PLXDC2: variants seen among roughly 807,000 people sequenced by gnomAD.
PLXDC2 encodes plexin domain containing 2.
In PLXDC2, 40 loss-of-function variants were observed where a neutral mutation model predicts 68.9. The ratio of observed to expected loss-of-function variants is 0.58; its 90% CI spans 0.45 to 0.76. The LOEUF (loss-of-function observed/expected upper bound fraction) is 0.76. Among genes scored for constraint, PLXDC2 ranks in the 30% least tolerant of loss-of-function variants. The pLI is 0.00. For missense variants in PLXDC2, 644 were observed against 661.9 expected, an observed-to-expected ratio of 0.97 and a Z score of 0.30; for synonymous variants, 243 against 234.2, an observed-to-expected ratio of 1.04 and a Z score of -0.34.
At chr10:20,099,556 T>C (rs1378694184) in intron 4 of PLXDC2, among the ~76,000 whole-genome samples, 2 of 152,182 alleles carry the variant, frequency 1.3e-5, no homozygotes, top group African/African-American at 2.4e-5. Flanking sequence ...TTTCTTTATA[T>C]TGATTGTGTG....
intron 1 of PLXDC2, among the ~76,000 whole-genome samples, chr10:19,925,058 A>G (rs1833517412): frequency 6.6e-6 from 1 of 152,238 alleles, no homozygotes; most frequent in African/African-American, 2.4e-5. Context: ...GTGACTGTAT[A>G]GAATATAAAT....
At chr10:20,156,689 T>C (rs576283717) in intron 6 of PLXDC2, among the ~76,000 whole-genome samples, 1 of 152,150 alleles carries the variant, frequency 6.6e-6, no homozygotes, top group Non-Finnish European at 1.5e-5. Context: ...ATGTTAGGAA[T>C]TGATCGTTTG....
rs1836104472 is a variant in PLXDC2 at position 20,283,252 on chromosome 10, T to G, written c.*3433T>G. The G allele has an allele frequency of 6.6e-6, 1 of 152,200 alleles. No homozygotes were observed. The highest frequency in any genetic ancestry group is 1.5e-5 in the Non-Finnish European group (1 of 68,032). The allele number at this position is 152,200 out of a possible 1,614,324, so 9.4% of individuals were successfully genotyped here. A position where few individuals can be genotyped will look rare whatever the true frequency, so the allele number is the denominator to read the frequency against. On this transcript the variant is annotated 3_prime_UTR_variant, in exon 14 of 14. Transcript: ENST00000377252. Reference sequence around the variant, plus strand: ...AGCTTTAAATCCCCACTGTGTTATCTTGGGAAAATCACTTCAACCTCCTTG... The same window carrying G: ...AGCTTTAAATCCCCACTGTGTTATCGTGGGAAAATCACTTCAACCTCCTTG...
chr10:19,985,420 G>A (rs965446367), intron 1 of PLXDC2, among the ~76,000 whole-genome samples: 9 of 152,192 alleles, frequency 5.9e-5, no homozygotes, highest in African/African-American at 2.2e-4. Flanking sequence ...GATTATTGTA[G>A]TGGATTTTAG....
intron 13 of PLXDC2, among the ~76,000 whole-genome samples, chr10:20,262,047 C>T (rs1327128852): frequency 7.9e-5 from 12 of 152,122 alleles, no homozygotes; most frequent in Admixed American, 7.9e-4. Context: ...CATCCAGGTC[C>T]TCTCACTGGT....
intron 2 of PLXDC2, among the ~76,000 whole-genome samples, chr10:20,023,049 AT>A (rs1174553888): frequency 2.7e-5 from 4 of 149,626 alleles, no homozygotes; most frequent in Non-Finnish European, 4.4e-5. Flanking sequence ...AAGGCTCTTA[AT>A]TTTTTTTGGA....
intron 2 of PLXDC2, among the ~76,000 whole-genome samples, chr10:20,003,632 A>T (rs907951139): frequency 2.6e-5 from 4 of 152,110 alleles, no homozygotes; most frequent in African/African-American, 9.7e-5. Context: ...GGGTTTCACC[A>T]TGTTGGCCAG....
chr10:20,076,558 C>T (rs949786301), intron 4 of PLXDC2, among the ~76,000 whole-genome samples: 3 of 152,218 alleles, frequency 2.0e-5, no homozygotes, highest in African/African-American at 7.2e-5. Flanking sequence ...TTTTCCCCCA[C>T]TTACATTTCC....
At chr10:19,891,669 T>C (rs1837966047) in intron 1 of PLXDC2, among the ~76,000 whole-genome samples, 1 of 152,216 alleles carries the variant, frequency 6.6e-6, no homozygotes, top group Non-Finnish European at 1.5e-5. Context: ...GGGAGGTCGG[T>C]AACCTCTGGA....
At chr10:19,993,232 A>G (rs1247519299) in intron 1 of PLXDC2, among the ~76,000 whole-genome samples, 7 of 152,170 alleles carry the variant, frequency 4.6e-5, no homozygotes, top group Non-Finnish European at 1.5e-5. Flanking sequence ...AGATGTAGCA[A>G]TACCTTACAG....
intron 13 of PLXDC2, among the ~76,000 whole-genome samples, chr10:20,255,191 G>A (rs2944449): frequency 0.25 from 24,375 of 96,592 alleles, 2,102 homozygotes; most frequent in Middle Eastern, 0.4. Flanking sequence ...ATAGGTGGAT[G>A]GATAGATAGA....
intron 1 of PLXDC2, among the ~76,000 whole-genome samples, chr10:19,901,807 C>T (rs1432308715): frequency 1.3e-5 from 2 of 152,046 alleles, no homozygotes; most frequent in African/African-American, 2.4e-5. Flanking sequence ...TATAGTTTCA[C>T]GTCTTAGATT....
intron 1 of PLXDC2, among the ~76,000 whole-genome samples, chr10:19,876,908 G>A (rs1837642871): frequency 6.6e-6 from 1 of 151,966 alleles, no homozygotes; most frequent in Non-Finnish European, 1.5e-5. Flanking sequence ...TACATTGCAG[G>A]TACTTAAAAA....
chr10:20,214,097 C>T (rs1475549718), intron 10 of PLXDC2, among the ~76,000 whole-genome samples: 1 of 152,098 alleles, frequency 6.6e-6, no homozygotes, highest in African/African-American at 2.4e-5. Flanking sequence ...AAATTTGACA[C>T]TTATTACATC....
intron 2 of PLXDC2, among the ~76,000 whole-genome samples, chr10:20,043,964 A>G (rs960390124): frequency 6.6e-6 from 1 of 152,066 alleles, no homozygotes; most frequent in Non-Finnish European, 1.5e-5. Context: ...TTCAGTTATG[A>G]TTCTTTTCGT....
chr10:20,265,253 C>T (rs1315446950), intron 13 of PLXDC2, among the ~76,000 whole-genome samples: 1 of 152,178 alleles, frequency 6.6e-6, no homozygotes, highest in Non-Finnish European at 1.5e-5. Context: ...CCGAGATGAG[C>T]TTCAGATAAA....
intron 1 of PLXDC2, among the ~76,000 whole-genome samples, chr10:19,906,253 A>G (rs1329528464): frequency 6.6e-6 from 1 of 152,030 alleles, no homozygotes; most frequent in Non-Finnish European, 1.5e-5. Context: ...TGGCCAGTGG[A>G]TTAGGAAACA....
intron 6 of PLXDC2, among the ~76,000 whole-genome samples, chr10:20,148,383 G>A (rs941185053): frequency 5.9e-5 from 9 of 151,900 alleles, no homozygotes; most frequent in African/African-American, 2.2e-4. Flanking sequence ...GTTCTAGGAT[G>A]GCTGTGCTTT....
chr10:19,845,052 G>C (rs977409884), intron 1 of PLXDC2, among the ~76,000 whole-genome samples: 2 of 152,160 alleles, frequency 1.3e-5, no homozygotes, highest in Non-Finnish European at 2.9e-5. Context: ...ACATGACACA[G>C]GTTCTTCCTT....
Sources: allele counts gnomAD v4.1 joint callset (sites outside exome capture counted in the v4.1 genomes callset), GRCh38; gene constraint gnomAD v4.1.1; transcripts MANE v1.5; gene names NCBI Gene and HGNC (gene_info 2026-07-23, HGNC 2026-07-21).